The following PRRX1 variants were observed in gnomAD, a reference collection of about 807,000 sequenced individuals.
PRRX1 encodes paired mesoderm homeobox protein 1.
A neutral mutation model predicts 24.0 loss-of-function variants in PRRX1; 8 were observed. That is an observed-to-expected ratio of 0.33 (90% CI 0.20 to 0.60). The LOEUF is 0.60. Among genes scored for constraint, PRRX1 ranks in the 20% least tolerant of loss-of-function variants. The probability of loss-of-function intolerance (pLI) is 0.82; values close to 1 mark genes in which losing one functional copy is unlikely to be tolerated. For missense variants in PRRX1, 281 were observed against 322.4 expected (o/e 0.87, Z 0.98); for synonymous variants, 160 against 131.7 (o/e 1.22, Z -1.47).
Position 170,665,244 on chromosome 1 carries a change from C to CTGGAGAG in PRRX1, c.241+785_241+786insTGGAGAG, listed in dbSNP as rs370180253. On this transcript the variant is annotated intron_variant, in intron 1 of 3. Transcript: ENST00000239461. ...AGCTTCAGTGCGGAGGCCAGTGTCACCTTAGAGGAGCTCTCCCTATTGGCT... is the reference window on the plus strand; with the variant it reads ...AGCTTCAGTGCGGAGGCCAGTGTCACTGGAGAGCTTAGAGGAGCTCTCCCTATTGGCT... 8.7e-4 allele frequency among the ~76,000 whole-genome samples: 133 copies of CTGGAGAG among 152,352 alleles called. 1 individual carries two copies. Among genetic ancestry groups the CTGGAGAG allele is most frequent in the African/African-American group, 3.1e-3 (129 of 41,572 alleles).
At chr1:170,663,873 G>T (rs972389930), upstream of PRRX1, 2 of 250,760 alleles carry the variant, frequency 8.0e-6, no homozygotes, top group Non-Finnish European at 1.5e-5. Flanking sequence ...AGTTGGAAGG[G>T]ATTTTTTTCT....
At chr1:170,697,733 C>CATATATAAATATATATACATATATAG (rs1654219808) in intron 1 of PRRX1, among the ~76,000 whole-genome samples, 1 of 142,608 alleles carries the variant, frequency 7.0e-6, no homozygotes. Flanking sequence ...TAAATATATA[C>CATATATAAATATATATACATATATAG]ATATATAAAT....
chr1:170,729,271 T>A (rs1028273654), intron 3 of PRRX1, among the ~76,000 whole-genome samples: 1 of 152,200 alleles, frequency 6.6e-6, no homozygotes, highest in Non-Finnish European at 1.5e-5. Flanking sequence ...CTCAGATCAG[T>A]GAGGCATGCC....
chr1:170,668,014 C>G (rs1295309325), intron 1 of PRRX1: 3 of 152,100 alleles, frequency 2.0e-5, no homozygotes. Context: ...CCCACCCCCA[C>G]CTTGGTTGAT....
rs191243478 is a variant in PRRX1, at chr1:170,719,214, C to T, written c.242-512C>T. 2.0e-3 allele frequency among the ~76,000 whole-genome samples: 305 copies of T among 152,264 alleles called. 3 individuals carry two copies. The highest frequency in any genetic ancestry group is 0.01 in the Middle Eastern group (3 of 294). On this transcript the variant is annotated intron_variant, in intron 1 of 3. Coordinates refer to ENST00000239461, the MANE Select transcript of PRRX1 (RefSeq NM_022716.4). Reference sequence around the variant, plus strand: ...AAGGAGAGTTCATGGTAAAACAAATCCCTGTAATGTGGTTTGAACATAGTT... The same window carrying T: ...AAGGAGAGTTCATGGTAAAACAAATTCCTGTAATGTGGTTTGAACATAGTT...
intron 1 of PRRX1, among the ~76,000 whole-genome samples, chr1:170,699,644 T>C (rs1332898228): frequency 6.6e-6 from 1 of 152,138 alleles, no homozygotes; most frequent in African/African-American, 2.4e-5. Flanking sequence ...AAAGAAAGAT[T>C]GGCTTGCTTG....
intron 1 of PRRX1, 28 bp from the exon 2 acceptor site, chr1:170,719,698 T>C: frequency 6.2e-7 from 1 of 1,613,028 alleles, no homozygotes; most frequent in Admixed American, 1.7e-5. Context: ...TGAATTTGGC[T>C]TCTTTTCATC....
chr1:170,732,538 T>C (rs1655465805), intron 3 of PRRX1, among the ~76,000 whole-genome samples: 1 of 152,224 alleles, frequency 6.6e-6, no homozygotes, highest in African/African-American at 2.4e-5. Flanking sequence ...TGCTTGCCTG[T>C]ATGGCACCCT....
At chr1:170,715,314 A>G (rs1256158689) in intron 1 of PRRX1, among the ~76,000 whole-genome samples, 1 of 152,194 alleles carries the variant, frequency 6.6e-6, no homozygotes, top group Non-Finnish European at 1.5e-5. Flanking sequence ...ATACCATGAC[A>G]TTACTATAAC....
intron 1 of PRRX1, among the ~76,000 whole-genome samples, chr1:170,684,123 T>C (rs939426145): frequency 1.3e-5 from 2 of 152,200 alleles, no homozygotes; most frequent in Admixed American, 6.5e-5. Context: ...TTTTAACATA[T>C]CTGCTCCTGG....
chr1:170,668,778 T>C (rs1335125808), intron 1 of PRRX1: 1 of 152,150 alleles, frequency 6.6e-6, no homozygotes, highest in Non-Finnish European at 1.5e-5. Flanking sequence ...CCAGAAATTT[T>C]CTTATGCAGC....
intron 1 of PRRX1, among the ~76,000 whole-genome samples, chr1:170,686,605 G>A (rs180843983): frequency 1.3e-5 from 2 of 152,280 alleles, no homozygotes; most frequent in East Asian, 1.9e-4. Context: ...ATGACATTTC[G>A]CATTGGTAGG....
chr1:170,730,093 C>T, intron 3 of PRRX1: 2 of 692,864 alleles, frequency 2.9e-6, no homozygotes, highest in South Asian at 1.6e-5. Flanking sequence ...CCTGAAGTGC[C>T]ATTTCCAGAG....
intron 1 of PRRX1, among the ~76,000 whole-genome samples, chr1:170,719,339 C>A (rs1185324833): frequency 6.6e-6 from 1 of 152,212 alleles, no homozygotes; most frequent in Non-Finnish European, 1.5e-5. Context: ...TATGAGTGAG[C>A]ATAATATTGT....
intron 3 of PRRX1, among the ~76,000 whole-genome samples, chr1:170,733,724 T>C (rs770879821): frequency 7.9e-5 from 12 of 152,168 alleles, no homozygotes; most frequent in Non-Finnish European, 1.5e-4. Context: ...AATCTATGAC[T>C]TAGGTACATT....
At chr1:170,732,576 G>T (rs1038570753) in intron 3 of PRRX1, among the ~76,000 whole-genome samples, 1 of 152,152 alleles carries the variant, frequency 6.6e-6, no homozygotes, top group South Asian at 2.1e-4. Flanking sequence ...CTAGATCCAT[G>T]TCAAACTACT....
chr1:170,702,175 G>A lies in PRRX1; in HGVS notation c.242-17551G>A, dbSNP rs1195670249. Among the ~76,000 whole-genome samples, 4 of 152,296 alleles carry A rather than the reference G, an allele frequency of 2.6e-5. No individual in the cohort carries two copies. In the East Asian group the frequency reaches 7.7e-4, roughly 29 times the overall value. On this transcript the variant is annotated intron_variant, in intron 1 of 3. Coordinates refer to ENST00000239461, the MANE Select transcript of PRRX1 (RefSeq NM_022716.4). ...TCTAATGCTACCGCTGATTTGACAG[G>A]AGGCGGAGCTCAGGCAGTAATGCTC...
rs200885791 is a variant in PRRX1 at position 170,664,256 on chromosome 1, C to T, written c.38C>T (p.Pro13Leu). The change falls in exon 1 of 4, where the codon CCG (proline) becomes CTG (leucine). Residue 13 changes from proline to leucine, a missense_variant. By Grantham distance (98) the Pro-to-Leu change is moderately conservative (BLOSUM62 -3). Transcript: ENST00000239461. The part of the protein sequence containing the change: ...SSYGHVLERQ[P>L]ALGGRLDSPG... ...TACGGGCACGTTCTGGAGCGGCAACCGGCGCTGGGCGGCCGCTTGGACAGC... is the reference window on the plus strand; with the variant it reads ...TACGGGCACGTTCTGGAGCGGCAACTGGCGCTGGGCGGCCGCTTGGACAGC... 6.0e-5 allele frequency: 96 copies of T among 1,612,314 alleles called. No homozygotes were observed. The highest frequency in any genetic ancestry group is 1.6e-4 in the Middle Eastern group (1 of 6,084).
chr1:170,727,458 T>C (rs1317248197), intron 3 of PRRX1: 1 of 152,230 alleles, frequency 6.6e-6, no homozygotes, highest in Non-Finnish European at 1.5e-5. Context: ...TTTACCTTTT[T>C]ATTGTCAAGG....
Sources: allele counts gnomAD v4.1 joint callset (sites outside exome capture counted in the v4.1 genomes callset), GRCh38; gene constraint gnomAD v4.1.1; transcripts MANE v1.5; gene names NCBI Gene and HGNC (gene_info 2026-07-23, HGNC 2026-07-21).